Variants in MYT1L observed in about 807,000 individuals in gnomAD.
MYT1L encodes the protein myelin transcription factor 1 like.
Under a neutral mutation model 126.7 loss-of-function variants are expected in MYT1L, and 12 were observed. The ratio of observed to expected loss-of-function variants is 0.09; its 90% CI spans 0.06 to 0.15. The LOEUF (loss-of-function observed/expected upper bound fraction) is 0.15, where lower values mean the gene tolerates loss of function less well. MYT1L is among the 10% of genes least tolerant of loss of function. The pLI, the probability that MYT1L is intolerant of heterozygous loss-of-function variation, is 1.00. For missense variants in MYT1L, 979 were observed against 1,585.2 expected (o/e 0.62, Z 6.49); for synonymous variants, 541 against 604.2 (o/e 0.90, Z 1.53).
intron 2 of MYT1L, among the ~76,000 whole-genome samples, chr2:2,243,651 C>T (rs2094478405): frequency 6.6e-6 from 1 of 152,026 alleles, no homozygotes; most frequent in South Asian, 2.1e-4. Context: ...ATGTTGCACT[C>T]AATCCACACT....
chr2:1,993,525 C>T (rs1454200426), intron 5 of MYT1L, among the ~76,000 whole-genome samples: 3 of 152,294 alleles, frequency 2.0e-5, no homozygotes, highest in Non-Finnish European at 4.4e-5. Flanking sequence ...ATCCATTGAA[C>T]TCATCTTTTT....
intron 1 of MYT1L, among the ~76,000 whole-genome samples, chr2:2,290,410 C>T (rs2095582487): frequency 6.6e-6 from 1 of 152,118 alleles, no homozygotes; most frequent in Admixed American, 6.5e-5. Context: ...GTGCTGTGTG[C>T]TTTATCACAT....
intron 2 of MYT1L, among the ~76,000 whole-genome samples, chr2:2,206,854 T>A (rs144373455): frequency 0.016 from 2,410 of 152,334 alleles, 40 homozygotes; most frequent in Non-Finnish European, 0.025. Flanking sequence ...TATGTCCTTC[T>A]TCTTCTGTTT....
chr2:2,268,340 T>C (rs1052330539), intron 2 of MYT1L, among the ~76,000 whole-genome samples: 1 of 152,206 alleles, frequency 6.6e-6, no homozygotes, highest in Non-Finnish European at 1.5e-5. Context: ...TCATTCTTTG[T>C]AAATTTGCAC....
chr2:1,795,843 G>C (rs1002334209), intron 23 of MYT1L: 1 of 152,250 alleles, frequency 6.6e-6, no homozygotes, highest in Non-Finnish European at 1.5e-5. Context: ...GCAGCAGCCT[G>C]ATGGCCAGTC....
At position 2,194,684 on chromosome 2, in the gene MYT1L, G is replaced by A. The variant is rs60408229; in HGVS notation, c.-420-21696C>T. 8.8e-3 allele frequency among the ~76,000 whole-genome samples: 1,338 copies of A among 152,206 alleles called. 19 individuals are homozygous for A. The highest frequency in any genetic ancestry group is 0.027 in the African/African-American group (1,125 of 41,536). The stretch of plus-strand genomic sequence containing the variant: ...TGCTCAAGAAGTTTCCCAGCTGGCT[G>A]TGAGACCTTCCCCCCTCATCAGATC... On this transcript the variant is annotated intron_variant, in intron 2 of 24. Transcript: ENST00000647738.
intron 3 of MYT1L, among the ~76,000 whole-genome samples, chr2:2,114,621 A>C (rs1278291406): frequency 6.6e-6 from 1 of 152,220 alleles, no homozygotes; most frequent in South Asian, 2.1e-4. Flanking sequence ...AGCAGGAGCC[A>C]TGATTTTAGT....
At chr2:2,291,686 G>C (rs1443396319) in intron 1 of MYT1L, among the ~76,000 whole-genome samples, 11 of 152,216 alleles carry the variant, frequency 7.2e-5, no homozygotes, top group Non-Finnish European at 1.5e-5. Flanking sequence ...CACCGCGTAC[G>C]CTGGGTGCGG....
chr2:1,874,731 C>A (rs563356824), intron 18 of MYT1L, among the ~76,000 whole-genome samples: 2 of 152,328 alleles, frequency 1.3e-5, no homozygotes, highest in South Asian at 4.1e-4. Context: ...GATGCTGCAA[C>A]CTGATCCCAC....
At chr2:1,880,719 G>A (rs1244582945) in intron 18 of MYT1L, among the ~76,000 whole-genome samples, 1 of 152,200 alleles carries the variant, frequency 6.6e-6, no homozygotes, top group Non-Finnish European at 1.5e-5. Flanking sequence ...GGCACAGGGA[G>A]ATTGACAGTG....
chr2:2,101,273 G>A (rs1031631644), intron 3 of MYT1L, among the ~76,000 whole-genome samples: 1 of 151,912 alleles, frequency 6.6e-6, no homozygotes, highest in Admixed American at 6.6e-5. Context: ...TAACTCTTAC[G>A]TGGTGAGGCA....
chr2:2,205,203 T>C (rs1056805332), intron 2 of MYT1L, among the ~76,000 whole-genome samples: 1 of 151,596 alleles, frequency 6.6e-6, no homozygotes, highest in Admixed American at 6.6e-5. Flanking sequence ...ACCAACATGG[T>C]ACATGTATAC....
At chr2:2,162,216 G>C (rs1409276701) in intron 3 of MYT1L, among the ~76,000 whole-genome samples, 1 of 152,170 alleles carries the variant, frequency 6.6e-6, no homozygotes, top group Non-Finnish European at 1.5e-5. Flanking sequence ...AACACGGGAA[G>C]TGGGGTGGGT....
At chr2:2,158,703 T>C in intron 3 of MYT1L, among the ~76,000 whole-genome samples, 1 of 144,460 alleles carries the variant, frequency 6.9e-6, no homozygotes, top group African/African-American at 2.5e-5. Context: ...AACATTCAAG[T>C]ACACACACAC....
chr2:2,045,224 T>A (rs1002850930), intron 4 of MYT1L, among the ~76,000 whole-genome samples: 2 of 152,250 alleles, frequency 1.3e-5, no homozygotes, highest in African/African-American at 4.8e-5. Flanking sequence ...TGCATGTAAA[T>A]CTCCCATGAA....
At chr2:2,262,390 C>A (rs560340064) in intron 2 of MYT1L, among the ~76,000 whole-genome samples, 18 of 149,722 alleles carry the variant, frequency 1.2e-4, no homozygotes, top group African/African-American at 3.4e-4. Context: ...CAAACAACAA[C>A]AAAAAAAAAC....
chr2:1,872,801 A>T (rs914031784), intron 18 of MYT1L, among the ~76,000 whole-genome samples: 6 of 152,210 alleles, frequency 3.9e-5, no homozygotes, highest in Non-Finnish European at 7.3e-5. Context: ...ATAAATGCTT[A>T]TACAGCTTAT....
At chr2:1,869,177 C>G (rs1484665739) in intron 18 of MYT1L, among the ~76,000 whole-genome samples, 1 of 145,978 alleles carries the variant, frequency 6.9e-6, no homozygotes, top group Non-Finnish European at 1.5e-5. Flanking sequence ...GCCACTGTAC[C>G]TCCACCAGAG....
intron 10 of MYT1L, among the ~76,000 whole-genome samples, chr2:1,918,315 T>C (rs1214157752): frequency 6.6e-6 from 1 of 152,210 alleles, no homozygotes; most frequent in African/African-American, 2.4e-5. Flanking sequence ...ACAGTAAATC[T>C]AAGTGTGCAA....
Sources: gnomAD v4.1 joint callset for allele counts (sites outside exome capture counted in the v4.1 genomes callset) on GRCh38, gnomAD v4.1.1 for gene constraint, MANE v1.5 for transcripts, NCBI Gene and HGNC (gene_info 2026-07-23, HGNC 2026-07-21) for gene names.